SRGAP3: variants seen among roughly 807,000 people sequenced by gnomAD.
SRGAP3 encodes the protein SLIT-ROBO Rho GTPase-activating protein 3.
SRGAP3 carries 39 observed loss-of-function variants against 121.1 expected under a neutral mutation model. The ratio of observed to expected loss-of-function variants is 0.32; its 90% CI spans 0.25 to 0.42. SRGAP3 has a LOEUF of 0.42. SRGAP3 is among the 10% of genes least tolerant of loss of function. SRGAP3 has a pLI of 1.00. For missense variants in SRGAP3, 1,213 were observed against 1,470.6 expected (o/e 0.82, Z 2.86); for synonymous variants, 601 against 570.0 (o/e 1.05, Z -0.77).
intron 11 of SRGAP3, 179 bp downstream of exon 11, chr3:9,037,884 T>C: frequency 1.2e-6 from 1 of 803,164 alleles, no homozygotes; most frequent in Non-Finnish European, 2.0e-6. Context: ...TTTGTCAGTC[T>C]AATGCTAGAA....
intron 1 of SRGAP3, among the ~76,000 whole-genome samples, chr3:9,182,426 C>T (rs1004476318): frequency 6.6e-6 from 1 of 151,868 alleles, no homozygotes. Flanking sequence ...AGCGAGGCAT[C>T]TACAAGCCAA....
At chr3:9,221,609 C>T (rs949185379) in intron 1 of SRGAP3, among the ~76,000 whole-genome samples, 16 of 152,132 alleles carry the variant, frequency 1.1e-4, no homozygotes, top group African/African-American at 3.4e-4. Context: ...AAGAGCCTCC[C>T]AGTTTAACAC....
chr3:9,221,699 C>G (rs1952821479), intron 1 of SRGAP3, among the ~76,000 whole-genome samples: 1 of 152,172 alleles, frequency 6.6e-6, no homozygotes, highest in South Asian at 2.1e-4. Flanking sequence ...TTCCCACTCA[C>G]CCTCAGAGAA....
intron 1 of SRGAP3, among the ~76,000 whole-genome samples, chr3:9,337,384 T>C (rs1955710895): frequency 6.6e-6 from 1 of 152,220 alleles, no homozygotes; most frequent in Non-Finnish European, 1.5e-5. Flanking sequence ...GGACTAGCAT[T>C]TCCCAAATGC....
In SRGAP3 at chr3:8,990,756, G is replaced by C; in HGVS notation, c.2642C>G (p.Pro881Arg). The C allele has an allele frequency of 6.2e-7, 1 of 1,607,896 alleles. No homozygotes were observed. The highest frequency in any genetic ancestry group is 1.3e-5 in the African/African-American group (1 of 74,912). ...DTHSPPRGLG[P>R]SIDTPPRAAA... ...AGCCCGGGGTGGTGTGTCTATGCTGGGGCCCAGGCCCCGGGGCGGGCTGTG... is the reference window on the plus strand; with the variant it reads ...AGCCCGGGGTGGTGTGTCTATGCTGCGGCCCAGGCCCCGGGGCGGGCTGTG... The change falls in exon 21 of 22, where the codon CCC (proline) becomes CGC (arginine). Residue 881 changes from proline (P) to arginine (R), a missense_variant. Transcript: ENST00000383836.
At chr3:9,174,274 T>C (rs1028356822) in intron 1 of SRGAP3, among the ~76,000 whole-genome samples, 9 of 152,260 alleles carry the variant, frequency 5.9e-5, no homozygotes, top group Non-Finnish European at 7.3e-5. Context: ...TGGTGATGGC[T>C]GCACAGCAAT....
chr3:9,150,600 T>C (rs1950180668), intron 1 of SRGAP3, among the ~76,000 whole-genome samples: 1 of 152,116 alleles, frequency 6.6e-6, no homozygotes, highest in South Asian at 2.1e-4. Context: ...GTAAGGAACA[T>C]CTGCCACCCA....
intron 1 of SRGAP3, among the ~76,000 whole-genome samples, chr3:9,139,195 T>A (rs566829871): frequency 1.6e-3 from 243 of 152,302 alleles, no homozygotes; most frequent in Non-Finnish European, 3.0e-3. Context: ...TCCTCACAAA[T>A]CTTTTTAAAT....
At chr3:9,018,226 A>G (rs1450422885) in intron 14 of SRGAP3, among the ~76,000 whole-genome samples, 1 of 152,212 alleles carries the variant, frequency 6.6e-6, no homozygotes. Context: ...TATATATTAT[A>G]CACTACATTT....
intron 1 of SRGAP3, among the ~76,000 whole-genome samples, chr3:9,214,051 G>T (rs543433727): frequency 5.3e-5 from 8 of 151,190 alleles, no homozygotes; most frequent in African/African-American, 1.9e-4. Flanking sequence ...ATCTGAATCC[G>T]TCCTATTTGT....
intron 1 of SRGAP3, among the ~76,000 whole-genome samples, chr3:9,176,894 AT>A (rs1951198796): frequency 6.6e-6 from 1 of 152,204 alleles, no homozygotes; most frequent in South Asian, 2.1e-4. Context: ...TCAACATGAG[AT>A]TTGGGCAGGG....
intron 18 of SRGAP3, among the ~76,000 whole-genome samples, chr3:9,004,618 C>T (rs1942961154): frequency 6.6e-6 from 1 of 152,206 alleles, no homozygotes; most frequent in East Asian, 1.9e-4. Context: ...TAAACCCATA[C>T]ACCTGTAGTC....
At chr3:9,224,145 C>A (rs752899975) in intron 1 of SRGAP3, among the ~76,000 whole-genome samples, 1 of 152,126 alleles carries the variant, frequency 6.6e-6, no homozygotes, top group Non-Finnish European at 1.5e-5. Context: ...ATACCTACAG[C>A]AACAGTCAGG....
At chr3:9,348,411 C>T (rs116104140) in intron 1 of SRGAP3, 277 of 585,826 alleles carry the variant, frequency 4.7e-4, no homozygotes, top group African/African-American at 4.4e-3. Context: ...ATCCGCGAAC[C>T]CCAGTCAGCG....
rs114376331 is a variant in SRGAP3 at position 9,181,490 on chromosome 3, G to A, written c.68-56573C>T. On this transcript the variant is annotated intron_variant, in intron 1 of 21. Coordinates refer to ENST00000383836, the MANE Select transcript of SRGAP3 (RefSeq NM_014850.4). ...GCTGAGCTCTTATTGGAAGATTCTC[G>A]GAAAAATCTGCTTCTTCATGAATGG... Among the ~76,000 whole-genome samples, 1,385 of 152,218 alleles carry A rather than the reference G, an allele frequency of 9.1e-3. 33 individuals carry two copies. Among genetic ancestry groups the A allele is most frequent in the African/African-American group, 0.031 (1,302 of 41,520 alleles).
chr3:9,020,766 G>A (rs1416561699), intron 14 of SRGAP3, among the ~76,000 whole-genome samples: 1 of 152,208 alleles, frequency 6.6e-6, no homozygotes, highest in Non-Finnish European at 1.5e-5. Context: ...AGCTGGAGAC[G>A]AGCTGGATGG....
At chr3:9,234,255 C>T (rs551371185) in intron 1 of SRGAP3, among the ~76,000 whole-genome samples, 4 of 152,292 alleles carry the variant, frequency 2.6e-5, no homozygotes, top group East Asian at 1.9e-4. Context: ...TGTTCTGCCT[C>T]AGTTTCCCCA....
chr3:9,321,094 G>C (rs534612660), intron 3 of SRGAP3, among the ~76,000 whole-genome samples: 2 of 151,926 alleles, frequency 1.3e-5, no homozygotes, highest in East Asian at 3.9e-4. Flanking sequence ...TTGGAACCAA[G>C]GTGTCATATG....
At chr3:9,215,379 C>G (rs1952582344) in intron 1 of SRGAP3, among the ~76,000 whole-genome samples, 1 of 151,262 alleles carries the variant, frequency 6.6e-6, no homozygotes, top group South Asian at 2.1e-4. Context: ...GAGATTTTCT[C>G]AAGCCTCCCT....
Sources: allele counts gnomAD v4.1 joint callset (sites outside exome capture counted in the v4.1 genomes callset), GRCh38; gene constraint gnomAD v4.1.1; transcripts MANE v1.5; gene names NCBI Gene and HGNC (gene_info 2026-07-23, HGNC 2026-07-21).